The following ZFHX3 variants were observed in gnomAD, a reference collection of about 807,000 sequenced individuals.
ZFHX3 encodes zinc finger homeobox protein 3.
In ZFHX3, 42 loss-of-function variants were observed where a neutral mutation model predicts 279.1. The ratio of observed to expected loss-of-function variants is 0.15; its 90% CI spans 0.12 to 0.19. The LOEUF (loss-of-function observed/expected upper bound fraction) is 0.19, where lower values mean the gene tolerates loss of function less well. ZFHX3 is among the 10% of genes least tolerant of loss of function. ZFHX3 has a pLI of 1.00. For missense variants in ZFHX3, 4,981 were observed against 4,754.0 expected, an observed-to-expected ratio of 1.05 and a Z score of -1.40; for synonymous variants, 2,293 against 1,957.8, an observed-to-expected ratio of 1.17 and a Z score of -4.52.
At chr16:73,750,326 A>G (rs2053750637) in intron 1 of ZFHX3, among the ~76,000 whole-genome samples, 1 of 152,192 alleles carries the variant, frequency 6.6e-6, no homozygotes, top group South Asian at 2.1e-4. Context: ...ACGATCTGCA[A>G]AGACACTGCT....
intron 3 of ZFHX3, among the ~76,000 whole-genome samples, chr16:73,422,165 T>C (rs1006479627): frequency 2.6e-5 from 4 of 151,680 alleles, no homozygotes; most frequent in African/African-American, 4.8e-5. Flanking sequence ...AAGAAGATAA[T>C]TCATGGAAAT....
At chr16:73,806,266 A>G (rs1257958336) in intron 1 of ZFHX3, among the ~76,000 whole-genome samples, 1 of 152,208 alleles carries the variant, frequency 6.6e-6, no homozygotes, top group Admixed American at 6.5e-5. Flanking sequence ...ACCATACCAG[A>G]GCACATCTGG....
chr16:72,808,558 T>C (rs1401940317), intron 7 of ZFHX3, among the ~76,000 whole-genome samples: 1 of 152,236 alleles, frequency 6.6e-6, no homozygotes, highest in Admixed American at 6.5e-5. Flanking sequence ...CCTGAATCCA[T>C]TGACTTTCCC....
chr16:73,745,430 C>T (rs1006973132), intron 1 of ZFHX3, among the ~76,000 whole-genome samples: 18 of 152,142 alleles, frequency 1.2e-4, no homozygotes, highest in African/African-American at 4.3e-4. Context: ...GGCATAGACT[C>T]CTGGGTCAGA....
At chr16:73,401,777 A>G (rs957446494) in intron 3 of ZFHX3, 1 of 152,224 alleles carries the variant, frequency 6.6e-6, no homozygotes, top group East Asian at 1.9e-4. Flanking sequence ...ATCATTCTGC[A>G]TAGATAATTG....
At chr16:73,848,747 C>T (rs531524469) in intron 1 of ZFHX3, among the ~76,000 whole-genome samples, 7 of 152,276 alleles carry the variant, frequency 4.6e-5, no homozygotes, top group South Asian at 2.1e-4. Flanking sequence ...CTGTTGGTGA[C>T]GGAACTTAGT....
intron 3 of ZFHX3, among the ~76,000 whole-genome samples, chr16:73,399,925 A>G (rs1445860059): frequency 6.6e-6 from 1 of 151,870 alleles, no homozygotes; most frequent in Non-Finnish European, 1.5e-5. Flanking sequence ...GAGTTATTGC[A>G]TTACTGCCTG....
chr16:73,464,914 A>G (rs2018537480), intron 2 of ZFHX3, among the ~76,000 whole-genome samples: 1 of 152,130 alleles, frequency 6.6e-6, no homozygotes, highest in African/African-American at 2.4e-5. Context: ...GTCCCTTGGA[A>G]GGCCTGGACA....
rs571723780 is a variant in ZFHX3 at position 73,887,914 on chromosome 16, A to C, written c.-1608+3737T>G. Among the ~76,000 whole-genome samples the C allele has an allele frequency of 7.2e-5, 11 of 152,296 alleles. 1 individual carries two copies. The South Asian group carries it at 2.3e-3, about 32-fold the overall frequency. On this transcript the variant is annotated intron_variant, in intron 1 of 17. Transcript: ENST00000641206. ...GGAATGATGAGCAAATTTCAAGAGA[A>C]GATATAAGTGCTAAGTCCTCATCTT...
chr16:72,923,450 G>GAA lies in ZFHX3; in HGVS notation c.3216+27017_3216+27018dup, dbSNP rs34096322. Among the ~76,000 whole-genome samples, 19 of 86,080 alleles carry GAA rather than the reference G, an allele frequency of 2.2e-4. 1 individual carries two copies. Among genetic ancestry groups the GAA allele is most frequent in the African/African-American group, 7.1e-4 (15 of 21,106 alleles). The allele number at this position is 86,080 out of a possible 152,430, so 56.5% of individuals were successfully genotyped here. A position where few individuals can be genotyped will look rare whatever the true frequency, so the allele number is the denominator to read the frequency against. On this transcript the variant is annotated intron_variant, in intron 3 of 9. Transcript: ENST00000268489. ...ACAGAGTGAGACCTGTCTCAGACCA[G>GAA]AAAAAAAAAAAAAAAAAAGACGCTA...
At chr16:73,222,342 T>C (rs1332264076) in intron 5 of ZFHX3, among the ~76,000 whole-genome samples, 1 of 152,026 alleles carries the variant, frequency 6.6e-6, no homozygotes, top group Non-Finnish European at 1.5e-5. Flanking sequence ...CAAAAAGCCC[T>C]CCTGGAACTA....
chr16:73,191,379 G>A (rs8055077), intron 5 of ZFHX3, among the ~76,000 whole-genome samples: 40,990 of 151,920 alleles, frequency 0.27, 5,646 homozygotes, highest in African/African-American at 0.29. Context: ...AGACTGAAGC[G>A]TAGCCTCAGG....
intron 2 of ZFHX3, among the ~76,000 whole-genome samples, chr16:73,507,081 C>T (rs917833674): frequency 3.3e-5 from 5 of 152,244 alleles, no homozygotes; most frequent in Middle Eastern, 3.4e-3. Flanking sequence ...ACTCTTGGGA[C>T]GTATTCAATA....
intron 2 of ZFHX3, among the ~76,000 whole-genome samples, chr16:73,587,779 A>C (rs183670026): frequency 6.6e-6 from 1 of 152,374 alleles, no homozygotes; most frequent in Admixed American, 6.5e-5. Context: ...TATATCATGT[A>C]ATAGTCCATT....
At chr16:72,926,294 G>A (rs182620431) in intron 3 of ZFHX3, among the ~76,000 whole-genome samples, 5 of 152,070 alleles carry the variant, frequency 3.3e-5, no homozygotes, top group Admixed American at 2.0e-4. Flanking sequence ...GTATTTTTGC[G>A]TCTCTGTCTC....
intron 5 of ZFHX3, among the ~76,000 whole-genome samples, chr16:73,236,304 G>A (rs2012946011): frequency 6.6e-6 from 1 of 152,126 alleles, no homozygotes; most frequent in Admixed American, 6.5e-5. Context: ...TTTCTTTAAG[G>A]TAGTGATCTC....
At chr16:73,623,120 T>C (rs1349096954) in intron 2 of ZFHX3, among the ~76,000 whole-genome samples, 1 of 151,868 alleles carries the variant, frequency 6.6e-6, no homozygotes, top group East Asian at 1.9e-4. Flanking sequence ...CACTGCAAGC[T>C]CCGCCTCCCG....
rs530766308 is a variant in ZFHX3 at position 73,196,225 on chromosome 16, T to C, written c.-1103-52394A>G. ...TTGCTCTTCACAGGTCTTCAACTGC[T>C]TTAATTAATCCCAAGCTTCAGAAGC... On this transcript the variant is annotated intron_variant, in intron 5 of 17. Coordinates refer to the ZFHX3 transcript ENST00000641206. Among the ~76,000 whole-genome samples, 6 of 151,398 alleles carry C rather than the reference T, an allele frequency of 4.0e-5. No homozygotes were observed. The South Asian group carries it at 1.3e-3, about 32-fold the overall frequency.
At chr16:72,976,991 C>G (rs77436736) in intron 1 of ZFHX3, among the ~76,000 whole-genome samples, 1,683 of 152,290 alleles carry the variant, frequency 0.011, 36 homozygotes, top group East Asian at 0.098. Flanking sequence ...TTCCTGACAG[C>G]CCAACATGTT....
Sources: gnomAD v4.1 joint callset for allele counts (sites outside exome capture counted in the v4.1 genomes callset) on GRCh38, gnomAD v4.1.1 for gene constraint, MANE v1.5 for transcripts, NCBI Gene and HGNC (gene_info 2026-07-23, HGNC 2026-07-21) for gene names.